Variants in NHSL3 observed in about 807,000 individuals in gnomAD.
NHSL3 encodes the protein NHS like 3, also known as NHS-like protein 3.
chr1:32,769,646 A>C, the NHSL3 span: 1 of 1,564,228 alleles, frequency 6.4e-7, no homozygotes. Context: ...TTGCTCTAAC[A>C]GTTTTTCTCC....
At chr1:32,771,305 C>A in the NHSL3 span, 1 of 1,602,148 alleles carries the variant, frequency 6.2e-7, no homozygotes, top group Non-Finnish European at 8.5e-7. Context: ...TCCCCTCCCA[C>A]TCCCCAGACA....
At chr1:32,768,166 C>G in the NHSL3 span, 34 of 1,254,490 alleles carry the variant, frequency 2.7e-5, no homozygotes, top group Non-Finnish European at 3.6e-5. Flanking sequence ...CCTGCTTGAC[C>G]CCTGGCAAGG....
chr1:32,774,847 T>G, the NHSL3 span: 1 of 152,536 alleles, frequency 6.6e-6, no homozygotes, highest in Non-Finnish European at 1.5e-5. Flanking sequence ...CATATATATA[T>G]TTCTTTAAAT....
the NHSL3 span, among the ~76,000 whole-genome samples, chr1:32,763,176 G>T: frequency 6.7e-6 from 1 of 150,116 alleles, no homozygotes. Flanking sequence ...TAGAGACAAG[G>T]TTTCACCATG....
the NHSL3 span, chr1:32,770,789 C>T: frequency 6.3e-7 from 1 of 1,588,566 alleles, no homozygotes; most frequent in Admixed American, 1.7e-5. The surrounding 1 kb of genome is among the most constrained non-coding windows in gnomAD (Gnocchi z 8.3). Flanking sequence ...CCTCGGCCAC[C>T]CACCACTGGT....
At chr1:32,751,011 G>A in the NHSL3 span, among the ~76,000 whole-genome samples, 16 of 150,776 alleles carry the variant, frequency 1.1e-4, no homozygotes, top group Non-Finnish European at 2.2e-4. Flanking sequence ...GGGTTTCACC[G>A]TGTTGGTCAG....
At chr1:32,741,916 A>T in the NHSL3 span, 2 of 371,200 alleles carry the variant, frequency 5.4e-6, no homozygotes, top group Admixed American at 1.3e-4. This position sits in a 1 kb window ranked among gnomAD's most constrained non-coding sequence, Gnocchi z 4.3. Context: ...ACCGCGCCGC[A>T]GGGGGCCTGA....
chr1:32,754,954 G>C, the NHSL3 span, among the ~76,000 whole-genome samples: 3 of 148,332 alleles, frequency 2.0e-5, no homozygotes, highest in Non-Finnish European at 4.5e-5. Context: ...CGGTCCCCGA[G>C]GTCGCCGCCG....
chr1:32,747,719 T>C, the NHSL3 span, among the ~76,000 whole-genome samples: 1 of 151,430 alleles, frequency 6.6e-6, no homozygotes, highest in Non-Finnish European at 1.5e-5. Flanking sequence ...TCCCAGCACT[T>C]TGGGAGGCTG....
chr1:32,774,547 CA>C, the NHSL3 span: 1 of 152,418 alleles, frequency 6.6e-6, no homozygotes, highest in Non-Finnish European at 1.5e-5. Context: ...AGGACTGGGT[CA>C]AAGCTGCATG....
the NHSL3 span, among the ~76,000 whole-genome samples, chr1:32,749,369 C>T: frequency 6.6e-6 from 1 of 152,182 alleles, no homozygotes; most frequent in Non-Finnish European, 1.5e-5. Flanking sequence ...CCCTGGCCAG[C>T]ACAAGGCCTG....
At chr1:32,749,128 C>A in the NHSL3 span, among the ~76,000 whole-genome samples, 1 of 152,164 alleles carries the variant, frequency 6.6e-6, no homozygotes, top group Non-Finnish European at 1.5e-5. Flanking sequence ...GCACAGCAAT[C>A]TCTGAGGGAG....
chr1:32,744,118 T>C, the NHSL3 span, among the ~76,000 whole-genome samples: 4 of 152,002 alleles, frequency 2.6e-5, no homozygotes, highest in Non-Finnish European at 2.9e-5. Context: ...AGAATGGAGA[T>C]TGGGAGAGGT....
the NHSL3 span, among the ~76,000 whole-genome samples, chr1:32,748,261 G>C: frequency 6.6e-6 from 1 of 152,044 alleles, no homozygotes; most frequent in Non-Finnish European, 1.5e-5. Context: ...CCTGGGCGAC[G>C]GGAGTTCAAC....
the NHSL3 span, among the ~76,000 whole-genome samples, chr1:32,745,030 G>T: frequency 2.6e-5 from 4 of 151,826 alleles, no homozygotes; most frequent in South Asian, 8.3e-4. Flanking sequence ...GAAGGCTGAG[G>T]CAAGAGAATT....
the NHSL3 span, chr1:32,769,757 G>T: frequency 6.2e-7 from 1 of 1,613,888 alleles, no homozygotes; most frequent in Non-Finnish European, 8.5e-7. Context: ...ACTGTGCTGG[G>T]ACTCCCGCAG....
At chr1:32,753,129 T>A in the NHSL3 span, among the ~76,000 whole-genome samples, 2 of 151,378 alleles carry the variant, frequency 1.3e-5, no homozygotes, top group Non-Finnish European at 2.9e-5. Context: ...CCACCAAGCC[T>A]GGCTAATTTT....
chr1:32,768,585 CAAAA>C, the NHSL3 span: 1 of 1,570,778 alleles, frequency 6.4e-7, no homozygotes, highest in Non-Finnish European at 8.7e-7. Context: ...GGATTTGTCT[CAAAA>C]AAAAGTTCCA....
the NHSL3 span, chr1:32,770,955 C>G: frequency 6.2e-7 from 1 of 1,608,356 alleles, no homozygotes; most frequent in Non-Finnish European, 8.5e-7. The surrounding 1 kb of genome is among the most constrained non-coding windows in gnomAD (Gnocchi z 8.3). Context: ...GTACTCCCAC[C>G]CTCCCTCCCA....
Sources: allele counts gnomAD v4.1 joint callset (sites outside exome capture counted in the v4.1 genomes callset), GRCh38; gene constraint gnomAD v4.1.1; non-coding constraint Gnocchi (gnomAD v3.1); transcripts MANE v1.5; gene names NCBI Gene and HGNC (gene_info 2026-07-23, HGNC 2026-07-21).